The following WNT3 variants were observed in gnomAD, a reference collection of about 807,000 sequenced individuals.
WNT3 encodes Wnt family member 3.
In WNT3, 7 loss-of-function variants were observed where a neutral mutation model predicts 34.2. The ratio of observed to expected loss-of-function variants is 0.20; its 90% CI spans 0.12 to 0.38. WNT3 has a LOEUF of 0.38. Ranked by LOEUF, WNT3 falls within the 10% of genes least tolerant of loss-of-function variation. The pLI, the probability that WNT3 is intolerant of heterozygous loss-of-function variation, is 1.00. For missense variants in WNT3, 267 were observed against 499.8 expected (o/e 0.53, Z 4.44); for synonymous variants, 212 against 211.5 (o/e 1.00, Z -0.02).
intron 1 of WNT3, among the ~76,000 whole-genome samples, chr17:46,778,776 G>T (rs1016716353): frequency 6.6e-6 from 1 of 152,020 alleles, no homozygotes; most frequent in Non-Finnish European, 1.5e-5. Context: ...TGAGCCCTCG[G>T]CTCGAAGCAC....
At chr17:46,803,265 G>A (rs151174453) in intron 1 of WNT3, among the ~76,000 whole-genome samples, 2 of 152,174 alleles carry the variant, frequency 1.3e-5, no homozygotes, top group Non-Finnish European at 2.9e-5. Flanking sequence ...CAGGCGTAGC[G>A]GCTCACACCT....
At position 46,812,340 on chromosome 17, in the gene WNT3, C is replaced by T. The variant is rs557376714; in HGVS notation, c.80+6178G>A. 6.6e-5 allele frequency among the ~76,000 whole-genome samples: 10 copies of T among 152,262 alleles called. No homozygotes were observed. In the South Asian group the frequency reaches 1.9e-3, roughly 28 times the overall value. ...CACACATACCTCCACCCCCCTACCCCCGCCCCAAGAATGTAATTAAGCAGC... is the reference window on the plus strand; with the variant it reads ...CACACATACCTCCACCCCCCTACCCTCGCCCCAAGAATGTAATTAAGCAGC... On this transcript the variant is annotated intron_variant, in intron 1 of 4. Transcript: ENST00000225512.
chr17:46,793,903 G>A (rs1343158822), intron 1 of WNT3, among the ~76,000 whole-genome samples: 2 of 152,106 alleles, frequency 1.3e-5, no homozygotes, highest in African/African-American at 2.4e-5. Flanking sequence ...CCATGCTATC[G>A]CTATTTTGCC....
At chr17:46,793,537 C>T (rs1201343845) in intron 1 of WNT3, among the ~76,000 whole-genome samples, 1 of 152,128 alleles carries the variant, frequency 6.6e-6, no homozygotes, top group South Asian at 2.1e-4. Flanking sequence ...GCTGGACCCA[C>T]GCCCAAGGCA....
intron 1 of WNT3, among the ~76,000 whole-genome samples, chr17:46,808,403 C>CA (rs2084224631): frequency 6.6e-6 from 1 of 152,224 alleles, no homozygotes; most frequent in African/African-American, 2.4e-5. Flanking sequence ...AAACTTGTCT[C>CA]AAAACCATCC....
At chr17:46,770,842 T>G (rs112273483) in intron 2 of WNT3, among the ~76,000 whole-genome samples, 3 of 152,328 alleles carry the variant, frequency 2.0e-5, no homozygotes, top group African/African-American at 4.8e-5. Context: ...TTCATTCACA[T>G]GGAAAGTTTT....
At chr17:46,811,712 T>TG (rs1201625394) in intron 1 of WNT3, among the ~76,000 whole-genome samples, 1 of 152,148 alleles carries the variant, frequency 6.6e-6, no homozygotes, top group Non-Finnish European at 1.5e-5. Context: ...CCCAGCACTT[T>TG]GGGAGGCCGA....
At chr17:46,770,383 C>G (rs967334985) in intron 2 of WNT3, among the ~76,000 whole-genome samples, 9 of 152,226 alleles carry the variant, frequency 5.9e-5, no homozygotes, top group African/African-American at 1.9e-4. Context: ...CACTTCTGTC[C>G]TGGTCCCACA....
intron 1 of WNT3, among the ~76,000 whole-genome samples, chr17:46,802,815 C>G (rs1403584045): frequency 6.6e-6 from 1 of 152,188 alleles, no homozygotes; most frequent in Non-Finnish European, 1.5e-5. Flanking sequence ...TCCCATACCT[C>G]GCCCTATGCA....
intron 1 of WNT3, among the ~76,000 whole-genome samples, chr17:46,810,287 C>T (rs751270203): frequency 1.3e-5 from 2 of 152,052 alleles, no homozygotes; most frequent in Non-Finnish European, 2.9e-5. Context: ...GGATTACAGG[C>T]GTAAGCCCCA....
rs187712469 is a variant in WNT3, at chr17:46,800,179, C to T, written c.80+18339G>A. On this transcript the variant is annotated intron_variant, in intron 1 of 4. Transcript: ENST00000225512. ...AGGCTGGAGTGCAGTGGCGCGATCT[C>T]GGCTCACTGCAGCCTCCACCTCCCA... 2.4e-4 allele frequency among the ~76,000 whole-genome samples: 37 copies of T among 152,208 alleles called. No homozygotes were observed. In the East Asian group the frequency reaches 6.0e-3, roughly 25 times the overall value.
At chr17:46,776,354 G>T (rs2146390860) in intron 1 of WNT3, among the ~76,000 whole-genome samples, 1 of 152,358 alleles carries the variant, frequency 6.6e-6, no homozygotes, top group South Asian at 2.1e-4. Flanking sequence ...TTAGAAGCAG[G>T]TTAGAGTGAT....
chr17:46,794,757 T>C (rs919002801), intron 1 of WNT3, among the ~76,000 whole-genome samples: 52 of 149,422 alleles, frequency 3.5e-4, no homozygotes, highest in Admixed American at 9.3e-4. Context: ...TTTTTCTTTT[T>C]TTTTTTTTTT....
intron 1 of WNT3, among the ~76,000 whole-genome samples, chr17:46,784,573 C>A (rs2059486551): frequency 6.6e-6 from 1 of 152,108 alleles, no homozygotes; most frequent in African/African-American, 2.4e-5. Flanking sequence ...AGCTTCAGGG[C>A]CTGAACCTCA....
At position 46,768,234 on chromosome 17, in the gene WNT3, C is replaced by A; in HGVS notation, c.*8+78G>T. The A allele has an allele frequency of 6.3e-7, 1 of 1,594,856 alleles. No homozygotes were observed. ...TAGCTTAGAAACAGAAGGGGGTCGT[C>A]AAGAAGACGAGATGGGCAAACAACC... On this transcript the variant is annotated intron_variant, in intron 4 of 4. Coordinates refer to ENST00000225512, the MANE Select transcript of WNT3 (RefSeq NM_030753.5). The surrounding 1 kb of genome is among the most constrained non-coding windows in gnomAD (Gnocchi z 5.0).
chr17:46,794,870 C>G (rs1277845415), intron 1 of WNT3, among the ~76,000 whole-genome samples: 4 of 151,862 alleles, frequency 2.6e-5, no homozygotes, highest in African/African-American at 9.7e-5. Context: ...CGTGCCTCAG[C>G]CTTCCGAGTA....
At chr17:46,770,834 C>T (rs899417074) in intron 2 of WNT3, among the ~76,000 whole-genome samples, 9 of 152,260 alleles carry the variant, frequency 5.9e-5, no homozygotes, top group African/African-American at 2.2e-4. Context: ...GCATGTGCTT[C>T]ATTCACATGG....
intron 1 of WNT3, among the ~76,000 whole-genome samples, chr17:46,785,517 G>A (rs747369680): frequency 4.6e-5 from 7 of 152,324 alleles, no homozygotes; most frequent in Admixed American, 6.5e-5. Context: ...CAGGAGCCCC[G>A]GAAACTCACT....
Position 46,818,590 on chromosome 17 carries a change from G to C in WNT3, c.8C>G (p.Pro3Arg). Residue 3 changes from proline to arginine, a missense_variant, in exon 1 of 5, where the codon CCC (proline) becomes CGC (arginine). Pro to Arg is a moderately radical substitution (Grantham distance 103). Coordinates refer to ENST00000225512, the MANE Select transcript of WNT3 (RefSeq NM_030753.5). ...GCCGAGGAGCAGCCCGAGCAGGTGG[G>C]GCTCCATTAGAAGAGGCGCCGAGGA... MEPHLLGLLLGLL... is the reference protein window; with the variant it reads MERHLLGLLLGLL... 1 of 1,600,118 alleles carries C rather than the reference G, an allele frequency of 6.2e-7. No individual in the cohort carries two copies. The highest frequency in any genetic ancestry group is 1.1e-5 in the South Asian group (1 of 88,338).
Sources: gnomAD v4.1 joint callset for allele counts (sites outside exome capture counted in the v4.1 genomes callset) on GRCh38, gnomAD v4.1.1 for gene constraint, Gnocchi (gnomAD v3.1) non-coding constraint, MANE v1.5 for transcripts, NCBI Gene and HGNC (gene_info 2026-07-23, HGNC 2026-07-21) for gene names.